GBF1: variants seen among roughly 807,000 people sequenced by gnomAD.
The protein encoded by GBF1 is Golgi-specific brefeldin A-resistance guanine nucleotide exchange factor 1.
GBF1 carries 114 observed loss-of-function variants against 210.5 expected under a neutral mutation model. The observed-to-expected ratio is 0.54, with a 90% CI of 0.47 to 0.63. The LOEUF (loss-of-function observed/expected upper bound fraction) is 0.63. Ranked by LOEUF, GBF1 falls within the 30% of genes least tolerant of loss-of-function variation. The probability of loss-of-function intolerance (pLI) is 0.00; values close to 1 mark genes in which losing one functional copy is unlikely to be tolerated. For synonymous variants in GBF1, 850 were observed against 889.2 expected (o/e 0.96, Z 0.78); for missense variants, 1,851 against 2,357.7 (o/e 0.79, Z 4.45).
chr10:102,382,117 C>T lies in GBF1; in HGVS notation c.5364C>T (p.Ala1788=). The T allele has an allele frequency of 6.2e-7, 1 of 1,604,604 alleles. No homozygotes were observed. Among genetic ancestry groups the T allele is most frequent in the Non-Finnish European group, 8.5e-7 (1 of 1,174,606 alleles). ...GCAGCTCCCCAGGATCACCAGTGGC[C>T]TCAAGCCCCAGCAGGCTGAGCCCCA... The part of the protein sequence containing the change: ...ASSSSPGSPV[A]SSPSRLSPTP... The change falls in exon 40 of 40, where the codon GCC becomes GCT. Residue 1788 remains alanine, a synonymous_variant. Coordinates refer to ENST00000369983, the MANE Select transcript of GBF1 (RefSeq NM_001377137.1).
intron 8 of GBF1, among the ~76,000 whole-genome samples, chr10:102,356,114 CT>C (rs2059274080): frequency 1.3e-5 from 2 of 152,134 alleles, no homozygotes; most frequent in Admixed American, 1.3e-4. Context: ...TCAGCCTCAT[CT>C]TTATTGGAAG....
Position 102,359,079 on chromosome 10 carries a change from G to A in GBF1, c.1012-188G>A, listed in dbSNP as rs542411081. On this transcript the variant is annotated intron_variant, in intron 10 of 39. Coordinates refer to ENST00000369983, the MANE Select transcript of GBF1 (RefSeq NM_001377137.1). ...TCATTGTAGGTCAGTGAAGCCTCAG[G>A]AGATGTTTTTCTGAGTCCTTCATCA... The A allele has an allele frequency of 2.8e-5, 17 of 608,120 alleles. No homozygotes were observed. The East Asian group carries it at 4.7e-4, about 17-fold the overall frequency. 37.7% of individuals were successfully genotyped at this position (608,120 alleles called of 1,614,324 possible).
chr10:102,380,768 G>A, intron 38 of GBF1, 82 bp downstream of exon 38: 1 of 1,200,328 alleles, frequency 8.3e-7, no homozygotes, highest in Non-Finnish European at 1.2e-6. Context: ...AGCACTTTGA[G>A]AGGCCGAGGT....
At position 102,258,642 on chromosome 10, in the gene GBF1, C is replaced by T. The variant is rs918052729; in HGVS notation, c.-10-287C>T. ...ATACAAAATTAGCCAGATATGGTGG[C>T]GCATGCCTGTAATCCCAGCTACTCA... On this transcript the variant is annotated intron_variant, in intron 1 of 39. Transcript: ENST00000369983. Among the ~76,000 whole-genome samples the T allele has an allele frequency of 1.2e-3, 177 of 151,076 alleles. 2 individuals are homozygous for T. The highest frequency in any genetic ancestry group is 2.0e-4 in the East Asian group (1 of 5,098).
chr10:102,322,339 G>T (rs2056477702), intron 3 of GBF1, among the ~76,000 whole-genome samples: 1 of 152,156 alleles, frequency 6.6e-6, no homozygotes, highest in East Asian at 1.9e-4. Flanking sequence ...TCCCTAACCA[G>T]GAACATGTTA....
chr10:102,338,334 A>G (rs1047404621), intron 3 of GBF1, among the ~76,000 whole-genome samples: 1 of 140,718 alleles, frequency 7.1e-6, no homozygotes, highest in Non-Finnish European at 1.5e-5. Flanking sequence ...TCTGCCTCCC[A>G]GGTTGAAGCA....
At chr10:102,380,057 T>A in intron 36 of GBF1, 103 bp downstream of exon 36, 1 of 809,874 alleles carries the variant, frequency 1.2e-6, no homozygotes, top group Non-Finnish European at 2.1e-6. Flanking sequence ...CTGTAGGTGC[T>A]CACAACCCCC....
chr10:102,297,944 G>A (rs1441839690), intron 3 of GBF1, among the ~76,000 whole-genome samples: 1 of 151,970 alleles, frequency 6.6e-6, no homozygotes, highest in African/African-American at 2.4e-5. Context: ...TTTTGGTTTT[G>A]GTTTTTTTGA....
chr10:102,341,956 A>G (rs2058210314), intron 3 of GBF1, among the ~76,000 whole-genome samples: 1 of 151,960 alleles, frequency 6.6e-6, no homozygotes, highest in Non-Finnish European at 1.5e-5. Flanking sequence ...CCTCATGACC[A>G]CTTTTAAGAT....
intron 3 of GBF1, among the ~76,000 whole-genome samples, chr10:102,335,380 G>T (rs895261098): frequency 2.6e-5 from 4 of 152,048 alleles, no homozygotes; most frequent in Non-Finnish European, 5.9e-5. Context: ...GCTTGGCTGG[G>T]GTGTCAGATG....
At chr10:102,256,432 CAAG>C (rs1565018892) in intron 1 of GBF1, among the ~76,000 whole-genome samples, 1 of 151,472 alleles carries the variant, frequency 6.6e-6, no homozygotes, top group Non-Finnish European at 1.5e-5. Flanking sequence ...ATAAATGCCT[CAAG>C]GACATAAATT....
chr10:102,323,387 A>G (rs966384902), intron 3 of GBF1, among the ~76,000 whole-genome samples: 1 of 152,018 alleles, frequency 6.6e-6, no homozygotes, highest in Non-Finnish European at 1.5e-5. Context: ...CACAAGCTGT[A>G]CCTCTTGATT....
chr10:102,339,526 G>T (rs1010637629), intron 3 of GBF1, among the ~76,000 whole-genome samples: 2 of 150,120 alleles, frequency 1.3e-5, no homozygotes, highest in Non-Finnish European at 3.0e-5. Context: ...AATTAACTGG[G>T]CGTGGTGGCA....
intron 3 of GBF1, among the ~76,000 whole-genome samples, chr10:102,261,803 C>T (rs1222826145): frequency 6.6e-6 from 1 of 151,676 alleles, no homozygotes; most frequent in Non-Finnish European, 1.5e-5. Context: ...TGTATTTTTA[C>T]TAGAGACGGA....
chr10:102,244,109 G>C (rs1164172707), upstream of GBF1, among the ~76,000 whole-genome samples: 13 of 152,146 alleles, frequency 8.5e-5, no homozygotes, highest in Non-Finnish European at 2.9e-5. Flanking sequence ...CATCCTGGAT[G>C]ACAAAGCAAG....
At position 102,376,815 on chromosome 10, in the gene GBF1, G is replaced by T. The variant is rs774078873; in HGVS notation, c.4288+15G>T. On this transcript the variant is annotated intron_variant, in intron 32 of 39. Coordinates refer to ENST00000369983, the MANE Select transcript of GBF1 (RefSeq NM_001377137.1). ...TCTGAATGGCGGTGGGTCAGCTGAT[G>T]AGGGGGCAGCTGGGGAGTAGCCATG... The T allele has an allele frequency of 6.2e-7, 1 of 1,608,964 alleles. No individual in the cohort carries two copies. The highest frequency in any genetic ancestry group is 8.5e-7 in the Non-Finnish European group (1 of 1,179,400).
At chr10:102,358,392 T>C in intron 9 of GBF1, 114 bp from the exon 10 acceptor site, 1 of 819,758 alleles carries the variant, frequency 1.2e-6, no homozygotes, top group Non-Finnish European at 2.0e-6. Flanking sequence ...TAGAGACCAA[T>C]ATATGCAAAG....
At position 102,375,196 on chromosome 10, in the gene GBF1, C is replaced by A. The variant is rs1466755194; in HGVS notation, c.3661-163C>A. Reference sequence around the variant, plus strand: ...CTCAAATAATATAATTAATATATTTCTATTTGAAAAAAAAAAAAAAGACCA... The same window carrying A: ...CTCAAATAATATAATTAATATATTTATATTTGAAAAAAAAAAAAAAGACCA... On this transcript the variant is annotated intron_variant, in intron 29 of 39. Coordinates refer to ENST00000369983, the MANE Select transcript of GBF1 (RefSeq NM_001377137.1). 5.5e-5 allele frequency among the ~76,000 whole-genome samples: 8 copies of A among 145,758 alleles called. No individual in the cohort carries two copies. The South Asian group carries it at 8.8e-4, about 16-fold the overall frequency.
chr10:102,336,199 G>A (rs147752262), intron 3 of GBF1, among the ~76,000 whole-genome samples: 2,001 of 151,614 alleles, frequency 0.013, 24 homozygotes, highest in Middle Eastern at 0.041. Context: ...TACTCGGGAG[G>A]CTGAGCCAGG....
Sources: gnomAD v4.1 joint callset for allele counts (sites outside exome capture counted in the v4.1 genomes callset) on GRCh38, gnomAD v4.1.1 for gene constraint, MANE v1.5 for transcripts, NCBI Gene and HGNC (gene_info 2026-07-23, HGNC 2026-07-21) for gene names.